The following CCNE2 variants were observed in gnomAD, a reference collection of about 807,000 sequenced individuals.
CCNE2 encodes G1/S-specific cyclin-E2.
Under a neutral mutation model 56.8 loss-of-function variants are expected in CCNE2, and 18 were observed. The ratio of observed to expected loss-of-function variants is 0.32; its 90% CI spans 0.22 to 0.47. CCNE2 has a LOEUF of 0.47. Among genes scored for constraint, CCNE2 ranks in the 20% least tolerant of loss-of-function variants. The probability of loss-of-function intolerance (pLI) is 1.00; values close to 1 mark genes in which losing one functional copy is unlikely to be tolerated. For missense variants in CCNE2, 371 were observed against 467.1 expected, an observed-to-expected ratio of 0.79 and a Z score of 1.90; for synonymous variants, 139 against 149.2, an observed-to-expected ratio of 0.93 and a Z score of 0.50.
intron 5 of CCNE2, chr8:94,891,132 T>C (rs1817224792): frequency 6.6e-6 from 1 of 152,288 alleles, no homozygotes; most frequent in Admixed American, 6.5e-5. Context: ...AACCTGCAGA[T>C]TTCAAGGGAG....
In CCNE2 at chr8:94,881,917, TTATC is replaced by T. The variant is rs575481176; in HGVS notation, c.1102-176_1102-173del. On this transcript the variant is annotated intron_variant, in intron 11 of 11. Coordinates refer to ENST00000308108, the MANE Select transcript of CCNE2 (RefSeq NM_057749.3). Reference sequence around the variant, plus strand: ...TAACGTTATATATTTTTTAAACTCTTTATCTAGACTGTTGGCATTGATCTTGAGA... The same window carrying T: ...TAACGTTATATATTTTTTAAACTCTTTAGACTGTTGGCATTGATCTTGAGA... 2.3e-3 allele frequency: 2,029 copies of T among 884,716 alleles called. 3 individuals carry two copies. Among genetic ancestry groups the T allele is most frequent in the Non-Finnish European group, 3.0e-3 (1,771 of 597,838 alleles). 54.8% of individuals were successfully genotyped at this position (884,716 alleles called of 1,614,324 possible).
chr8:94,892,976 T>TAA lies in CCNE2; in HGVS notation c.166-9_166-8dup. On this transcript the variant is annotated splice_region_variant and splice_polypyrimidine_tract_variant and intron_variant, in intron 4 of 11. Coordinates refer to ENST00000308108, the MANE Select transcript of CCNE2 (RefSeq NM_057749.3). ...ATACAGGTGGCCAACAATTCTGTCA[T>TAA]AAAAAAAAAGAAAAATATCAATTTG... is the stretch of plus-strand genomic sequence containing the variant. 6.6e-7 allele frequency: 1 copy of TAA among 1,507,674 alleles called. No individual in the cohort carries two copies. The highest frequency in any genetic ancestry group is 8.8e-7 in the Non-Finnish European group (1 of 1,136,580). 93.4% of individuals were successfully genotyped at this position (1,507,674 alleles called of 1,614,324 possible).
rs768115675 is a variant in CCNE2 at position 94,885,498 on chromosome 8, C to T, written c.661G>A (p.Glu221Lys). ...ATGAGTTCCATCCTTAAGATATCCT[C>T]TTCACTGCAAGCACCATCAGTGACG... Reference protein sequence around the residue: ...AYVTDGACSEEDILRMELIIL... With the variant: ...AYVTDGACSEKDILRMELIIL... The change falls in exon 8 of 12, where the codon GAG (glutamate) becomes AAG (lysine). Residue 221 changes from glutamate (E) to lysine (K), a missense_variant. By Grantham distance (56) the Glu-to-Lys change is moderately conservative. Coordinates refer to ENST00000308108, the MANE Select transcript of CCNE2 (RefSeq NM_057749.3). 7 of 1,608,068 alleles carry T rather than the reference C, an allele frequency of 4.4e-6. No homozygotes were observed. Among genetic ancestry groups the T allele is most frequent in the South Asian group, 1.1e-5 (1 of 90,238 alleles).
At chr8:94,886,047 A>G (rs1817026143) in intron 7 of CCNE2, among the ~76,000 whole-genome samples, 1 of 152,236 alleles carries the variant, frequency 6.6e-6, no homozygotes, top group South Asian at 2.1e-4. Context: ...TTTTCAACCT[A>G]AGCAGACATA....
Position 94,890,396 on chromosome 8 carries a change from T to G in CCNE2, c.453+19A>C, listed in dbSNP as rs1817187860. ...TCCATCATACAGAGACAAAGGAAAT[T>G]TGTATTGCTGTAACATACCTCTAAA... is the stretch of plus-strand genomic sequence containing the variant. On this transcript the variant is annotated intron_variant, in intron 6 of 11. Transcript: ENST00000308108. 6.5e-7 allele frequency: 1 copy of G among 1,542,524 alleles called. No homozygotes were observed. The highest frequency in any genetic ancestry group is 8.7e-7 in the Non-Finnish European group (1 of 1,146,158).
chr8:94,886,338 G>A (rs1455180041), intron 7 of CCNE2, among the ~76,000 whole-genome samples: 1 of 152,130 alleles, frequency 6.6e-6, no homozygotes. Context: ...AATACAACTA[G>A]AATATGTCAT....
At chr8:94,883,227 G>T (rs1220674739) in intron 9 of CCNE2, among the ~76,000 whole-genome samples, 2 of 151,164 alleles carry the variant, frequency 1.3e-5, no homozygotes, top group African/African-American at 4.9e-5. Context: ...AGTGAGCAGA[G>T]ATCGCGCCAC....
intron 9 of CCNE2, among the ~76,000 whole-genome samples, chr8:94,883,156 G>A (rs1816895138): frequency 6.6e-6 from 1 of 152,028 alleles, no homozygotes; most frequent in Non-Finnish European, 1.5e-5. Context: ...CGCGCCTGTA[G>A]TCCCAGCTAC....
At chr8:94,894,531 G>C in intron 1 of CCNE2, 1 of 387,766 alleles carries the variant, frequency 2.6e-6, no homozygotes, top group Non-Finnish European at 4.7e-6. Context: ...TTCCTCAAAC[G>C]GGTTTTTCTG....
Position 94,882,290 on chromosome 8 carries a change from C to CTAGA in CCNE2, c.944-5_944-2dup, listed in dbSNP as rs749837679. ...TCTGAAATACTGTCCCACTCCAAACCTAGATAGATAGAAAAAAGTTAGAAA... is the reference window on the plus strand; with the variant it reads ...TCTGAAATACTGTCCCACTCCAAACCTAGATAGATAGATAGAAAAAAGTTAGAAA... On this transcript the variant is annotated splice_acceptor_variant, in intron 10 of 11. Transcript: ENST00000308108. LOFTEE classifies it high-confidence loss of function. 6.3e-6 allele frequency: 10 copies of CTAGA among 1,585,156 alleles called. No individual in the cohort carries two copies. Among genetic ancestry groups the CTAGA allele is most frequent in the Admixed American group, 3.6e-5 (2 of 55,012 alleles).
upstream of CCNE2, chr8:94,895,671 A>C (rs928053356): frequency 6.6e-6 from 1 of 152,118 alleles, no homozygotes; most frequent in Admixed American, 6.5e-5. Flanking sequence ...CAGGGAACCC[A>C]GGTCTTTCCT....
chr8:94,895,669 C>A (rs1490607658), upstream of CCNE2: 1 of 152,252 alleles, frequency 6.6e-6, no homozygotes, highest in Non-Finnish European at 1.5e-5. Context: ...CTCAGGGAAC[C>A]CAGGTCTTTC....
At position 94,881,502 on chromosome 8, in the gene CCNE2, T is replaced by C. The variant is rs1284185360; in HGVS notation, c.*130A>G. ...CCAATTGTAAGTTTTAAAATCAGAA[T>C]GGCAGTGTAACTTGTGAATTGGCTA... On this transcript the variant is annotated 3_prime_UTR_variant, in exon 12 of 12. Coordinates refer to ENST00000308108, the MANE Select transcript of CCNE2 (RefSeq NM_057749.3). 5 of 779,266 alleles carry C rather than the reference T, an allele frequency of 6.4e-6. No homozygotes were observed. Among genetic ancestry groups the C allele is most frequent in the Non-Finnish European group, 8.2e-6 (4 of 488,356 alleles). 48.3% of individuals were successfully genotyped at this position (779,266 alleles called of 1,614,324 possible). A position where few individuals can be genotyped will look rare whatever the true frequency, so the allele number is the denominator to read the frequency against.
chr8:94,884,026 C>T (rs1238413393), intron 9 of CCNE2: 1 of 355,320 alleles, frequency 2.8e-6, no homozygotes, highest in Non-Finnish European at 6.0e-6. Context: ...GTATAGCTGC[C>T]TAGGACAATT....
In CCNE2 at chr8:94,888,061, A is replaced by G; in HGVS notation, c.466T>C (p.Tyr156His). ...LDWLLEVCEV[Y>H]TLHRETFYLA... is the part of the protein sequence containing the mutation. ...TAAAATGTTTCCCTATGAAGTGTGT[A>G]TACTTCACATACCTAGAGAAGAATC... The change falls in exon 7 of 12, where the codon TAC becomes CAC. Residue 156 changes from tyrosine (Y) to histidine (H), a missense_variant. Coordinates refer to ENST00000308108, the MANE Select transcript of CCNE2 (RefSeq NM_057749.3). The G allele has an allele frequency of 1.3e-6, 2 of 1,556,136 alleles. No individual in the cohort carries two copies. Among genetic ancestry groups the G allele is most frequent in the South Asian group, 1.2e-5 (1 of 81,596 alleles).
intron 5 of CCNE2, chr8:94,891,872 T>G: frequency 6.9e-7 from 1 of 1,457,320 alleles, no homozygotes; most frequent in African/African-American, 1.4e-5. Context: ...CTTAAGAGTT[T>G]AGATGTAGAT....
chr8:94,882,373 T>G, intron 10 of CCNE2, 84 bp from the exon 11 acceptor site: 1 of 1,130,880 alleles, frequency 8.8e-7, no homozygotes, highest in South Asian at 1.8e-5. Context: ...CTTGTTGCTG[T>G]TTTTGAGATA....
chr8:94,886,175 A>G (rs1817031944), intron 7 of CCNE2, among the ~76,000 whole-genome samples: 1 of 152,208 alleles, frequency 6.6e-6, no homozygotes, highest in South Asian at 2.1e-4. Flanking sequence ...AATCACACAC[A>G]GGCTTCAGAT....
chr8:94,890,726 G>A (rs2131117017), intron 5 of CCNE2, among the ~76,000 whole-genome samples, 176 bp from the exon 6 acceptor site: 1 of 151,680 alleles, frequency 6.6e-6, no homozygotes, highest in South Asian at 2.1e-4. Flanking sequence ...CCAAGTAGCT[G>A]GGAGTTACAG....
Sources: allele counts gnomAD v4.1 joint callset (sites outside exome capture counted in the v4.1 genomes callset), GRCh38; gene constraint gnomAD v4.1.1; transcripts MANE v1.5; gene names NCBI Gene and HGNC (gene_info 2026-07-23, HGNC 2026-07-21).